Variants in CLSTN2 observed in about 807,000 individuals in gnomAD.
The protein encoded by CLSTN2 is calsyntenin-2.
Under a neutral mutation model 101.2 loss-of-function variants are expected in CLSTN2, and 48 were observed. The ratio of observed to expected loss-of-function variants is 0.47; its 90% CI spans 0.38 to 0.60. The LOEUF is 0.60. CLSTN2 is among the 20% of genes least tolerant of loss of function. The probability of loss-of-function intolerance (pLI) is 0.00; values close to 1 mark genes in which losing one functional copy is unlikely to be tolerated. For synonymous variants in CLSTN2, 481 were observed against 463.6 expected (o/e 1.04, Z -0.48); for missense variants, 1,160 against 1,238.2 (o/e 0.94, Z 0.95).
chr3:140,291,549 A>G (rs771577080), intron 2 of CLSTN2, among the ~76,000 whole-genome samples: 1 of 151,990 alleles, frequency 6.6e-6, no homozygotes, highest in Non-Finnish European at 1.5e-5. Flanking sequence ...TCCACCAGAC[A>G]GCCAAATAAT....
chr3:140,413,772 T>C (rs1194076275), intron 4 of CLSTN2, among the ~76,000 whole-genome samples: 6 of 152,100 alleles, frequency 3.9e-5, no homozygotes, highest in Non-Finnish European at 8.8e-5. Context: ...AAATGTGATA[T>C]ACTACATTAA....
In CLSTN2 at chr3:140,165,433, G is replaced by A. The variant is rs182035056; in HGVS notation, c.110-10518G>A. Among the ~76,000 whole-genome samples, 43 of 152,294 alleles carry A rather than the reference G, an allele frequency of 2.8e-4. 1 individual carries two copies. Among genetic ancestry groups the A allele is most frequent in the Admixed American group, 2.6e-3 (40 of 15,296 alleles). ...CGTCATGATTAGAATGGTGCCTCCC[G>A]GTCAAGGGGCCTCAGGGTTCTTCAG... On this transcript the variant is annotated intron_variant, in intron 1 of 16. Coordinates refer to ENST00000458420, the MANE Select transcript of CLSTN2 (RefSeq NM_022131.3).
intron 1 of CLSTN2, among the ~76,000 whole-genome samples, chr3:140,171,870 T>A (rs983008408): frequency 3.3e-5 from 4 of 119,856 alleles, no homozygotes; most frequent in South Asian, 4.6e-4. Context: ...ATAATAACAA[T>A]ATATAATATA....
In CLSTN2 at chr3:140,249,482, T is replaced by A. The variant is rs574369425; in HGVS notation, c.232+73409T>A. On this transcript the variant is annotated intron_variant, in intron 2 of 16. Coordinates refer to ENST00000458420, the MANE Select transcript of CLSTN2 (RefSeq NM_022131.3). ...GTTGGGGCAGGTCATGGTTATAGATTCTGGTCTAACTAGCAGATGTGACCT... is the reference window on the plus strand; with the variant it reads ...GTTGGGGCAGGTCATGGTTATAGATACTGGTCTAACTAGCAGATGTGACCT... 5.9e-5 allele frequency among the ~76,000 whole-genome samples: 9 copies of A among 152,254 alleles called. No individual in the cohort carries two copies. The East Asian group carries it at 1.7e-3, about 29-fold the overall frequency.
intron 2 of CLSTN2, among the ~76,000 whole-genome samples, chr3:140,366,731 C>T (rs1351995620): frequency 1.3e-5 from 2 of 152,204 alleles, no homozygotes; most frequent in Non-Finnish European, 2.9e-5. Flanking sequence ...TTGTTTATGT[C>T]TCTCTCAAAA....
At chr3:140,230,212 A>C (rs957791082) in intron 2 of CLSTN2, among the ~76,000 whole-genome samples, 1 of 152,150 alleles carries the variant, frequency 6.6e-6, no homozygotes, top group African/African-American at 2.4e-5. Flanking sequence ...TGTATGGGAC[A>C]TTACATACTG....
intron 2 of CLSTN2, among the ~76,000 whole-genome samples, chr3:140,176,930 T>A (rs1313429162): frequency 6.6e-6 from 1 of 152,236 alleles, no homozygotes; most frequent in African/African-American, 2.4e-5. Flanking sequence ...AAGTCTATTT[T>A]TTTCTGACAG....
chr3:140,565,193 A>G (rs16850530), intron 16 of CLSTN2, among the ~76,000 whole-genome samples: 2,352 of 152,286 alleles, frequency 0.015, 62 homozygotes, highest in African/African-American at 0.051. Flanking sequence ...TCAAAAGTCA[A>G]TGACCTTGAG....
intron 1 of CLSTN2, among the ~76,000 whole-genome samples, chr3:140,096,374 A>G (rs1490854256): frequency 1.3e-5 from 2 of 152,196 alleles, no homozygotes; most frequent in Non-Finnish European, 2.9e-5. Context: ...TTAATGGTTT[A>G]TAATATGTTA....
chr3:140,413,800 A>G (rs2088394632), intron 4 of CLSTN2, among the ~76,000 whole-genome samples: 1 of 152,136 alleles, frequency 6.6e-6, no homozygotes. Flanking sequence ...AAGGACAAAG[A>G]TCATATGATA....
chr3:139,970,348 T>C (rs1935674275), intron 1 of CLSTN2, among the ~76,000 whole-genome samples: 3 of 152,134 alleles, frequency 2.0e-5, no homozygotes, highest in Non-Finnish European at 4.4e-5. Flanking sequence ...ACGCTGCCAA[T>C]AGATGGTGGT....
At chr3:139,961,811 A>G (rs1184972383) in intron 1 of CLSTN2, among the ~76,000 whole-genome samples, 1 of 152,188 alleles carries the variant, frequency 6.6e-6, no homozygotes, top group African/African-American at 2.4e-5. Flanking sequence ...AAAATGAATG[A>G]TAACCCCCAT....
intron 2 of CLSTN2, among the ~76,000 whole-genome samples, chr3:140,287,483 A>G (rs1013327145): frequency 6.6e-6 from 1 of 152,186 alleles, no homozygotes; most frequent in Non-Finnish European, 1.5e-5. Context: ...ACACTTGCCA[A>G]AATTGGTCAA....
At chr3:140,533,998 C>G (rs1240957891) in intron 9 of CLSTN2, among the ~76,000 whole-genome samples, 1 of 152,166 alleles carries the variant, frequency 6.6e-6, no homozygotes, top group East Asian at 1.9e-4. Flanking sequence ...TTAAATATTT[C>G]AGTAGAGCTT....
intron 1 of CLSTN2, among the ~76,000 whole-genome samples, chr3:140,076,372 C>G (rs2008488898): frequency 1.3e-5 from 2 of 152,304 alleles, no homozygotes; most frequent in South Asian, 4.1e-4. Flanking sequence ...TAAAGCCTCC[C>G]TCCCAGACTT....
chr3:140,196,952 T>C (rs2010651148), intron 2 of CLSTN2, among the ~76,000 whole-genome samples: 1 of 152,232 alleles, frequency 6.6e-6, no homozygotes. Flanking sequence ...GTTTTGGCAA[T>C]GAAGGAGTTG....
intron 1 of CLSTN2, among the ~76,000 whole-genome samples, chr3:140,080,136 C>A (rs924678965): frequency 6.6e-6 from 1 of 152,174 alleles, no homozygotes; most frequent in Non-Finnish European, 1.5e-5. Context: ...GGTCTTTCTG[C>A]AGCCTCATGA....
At chr3:140,125,083 A>G (rs903191485) in intron 1 of CLSTN2, among the ~76,000 whole-genome samples, 1 of 152,180 alleles carries the variant, frequency 6.6e-6, no homozygotes, top group Admixed American at 6.5e-5. Context: ...CAAGTGATTC[A>G]TGACATTGGG....
chr3:140,165,885 A>G (rs1195274699), intron 1 of CLSTN2, among the ~76,000 whole-genome samples: 1 of 152,224 alleles, frequency 6.6e-6, no homozygotes, highest in Non-Finnish European at 1.5e-5. Flanking sequence ...TTGGAGGAGA[A>G]TAACTATTGA....
Sources: gnomAD v4.1 joint callset for allele counts (sites outside exome capture counted in the v4.1 genomes callset) on GRCh38, gnomAD v4.1.1 for gene constraint, MANE v1.5 for transcripts, NCBI Gene and HGNC (gene_info 2026-07-23, HGNC 2026-07-21) for gene names.